Variants in AK5 observed in about 807,000 individuals in gnomAD.
AK5 encodes adenylate kinase isoenzyme 5.
A neutral mutation model predicts 69.5 loss-of-function variants in AK5; 27 were observed. That is an observed-to-expected ratio of 0.39 (90% CI 0.29 to 0.54). AK5 has a LOEUF of 0.54. AK5 is among the 20% of genes least tolerant of loss of function. AK5 has a pLI of 0.71. For synonymous variants in AK5, 260 were observed against 244.4 expected (o/e 1.06, Z -0.60); for missense variants, 531 against 700.4 (o/e 0.76, Z 2.73).
chr1:77,298,653 C>CCACA (rs150529091), intron 5 of AK5, among the ~76,000 whole-genome samples: 1 of 146,168 alleles, frequency 6.8e-6, no homozygotes, highest in Non-Finnish European at 1.5e-5. Context: ...AAAAAAAAAA[C>CCACA]CACACACACA....
intron 6 of AK5, among the ~76,000 whole-genome samples, chr1:77,399,602 A>G (rs1208546015): frequency 6.6e-6 from 1 of 152,190 alleles, no homozygotes; most frequent in African/African-American, 2.4e-5. Context: ...ACTCTGGGAC[A>G]GAACCAGAGC....
intron 8 of AK5, among the ~76,000 whole-genome samples, chr1:77,482,807 T>C (rs1052344481): frequency 1.3e-5 from 2 of 150,650 alleles, no homozygotes; most frequent in Non-Finnish European, 3.0e-5. Context: ...ACAGGGGACA[T>C]GTTGCTCACA....
At chr1:77,394,079 G>A (rs1383115485) in intron 6 of AK5, among the ~76,000 whole-genome samples, 1 of 151,988 alleles carries the variant, frequency 6.6e-6, no homozygotes, top group African/African-American at 2.4e-5. Flanking sequence ...ACTGGCTGTG[G>A]TGACGTGTAC....
chr1:77,506,499 C>T (rs1227036055), intron 10 of AK5, among the ~76,000 whole-genome samples: 2 of 152,042 alleles, frequency 1.3e-5, no homozygotes, highest in African/African-American at 4.8e-5. Flanking sequence ...GGAAAGGTAT[C>T]TGCCCTTTCC....
At chr1:77,537,400 C>G (rs7551211) in intron 13 of AK5, among the ~76,000 whole-genome samples, 103,949 of 151,886 alleles carry the variant, frequency 0.68, 36,210 homozygotes, top group Admixed American at 0.76. Context: ...TAATTGTCCT[C>G]TGAGTGATGG....
intron 10 of AK5, among the ~76,000 whole-genome samples, chr1:77,489,334 T>C (rs1372040430): frequency 1.3e-5 from 2 of 152,194 alleles, no homozygotes; most frequent in Non-Finnish European, 2.9e-5. Flanking sequence ...GTAAAAGAGA[T>C]TTCAGCTTGC....
intron 6 of AK5, chr1:77,346,114 T>C (rs1661903120): frequency 6.6e-6 from 1 of 152,210 alleles, no homozygotes; most frequent in Non-Finnish European, 1.5e-5. Flanking sequence ...TTCTTCATTC[T>C]TGTTATCTTC....
chr1:77,330,491 A>G (rs947503016), intron 5 of AK5, among the ~76,000 whole-genome samples: 2 of 152,162 alleles, frequency 1.3e-5, no homozygotes, highest in Non-Finnish European at 2.9e-5. Context: ...CATTTGTTGA[A>G]AAGACTGTCC....
At chr1:77,306,881 C>A (rs1379004734) in intron 5 of AK5, among the ~76,000 whole-genome samples, 4 of 152,116 alleles carry the variant, frequency 2.6e-5, no homozygotes, top group Non-Finnish European at 4.4e-5. Flanking sequence ...TGGCGTATAG[C>A]TGCTCATATC....
intron 8 of AK5, among the ~76,000 whole-genome samples, chr1:77,424,287 C>T (rs2100596786): frequency 6.6e-6 from 1 of 152,308 alleles, no homozygotes; most frequent in East Asian, 1.9e-4. Flanking sequence ...TAGAGACAGA[C>T]TTTTGCTGTG....
chr1:77,326,899 T>G (rs911436798), intron 5 of AK5, among the ~76,000 whole-genome samples: 22 of 152,218 alleles, frequency 1.4e-4, no homozygotes, highest in African/African-American at 5.3e-4. Flanking sequence ...AATAGGAATT[T>G]GGACCACATG....
At chr1:77,347,613 A>G (rs907182116) in intron 6 of AK5, among the ~76,000 whole-genome samples, 4 of 152,232 alleles carry the variant, frequency 2.6e-5, no homozygotes, top group African/African-American at 9.6e-5. Flanking sequence ...AACCTAAAAT[A>G]CCGTGATCAC....
At chr1:77,511,617 G>T (rs1657351254) in intron 10 of AK5, among the ~76,000 whole-genome samples, 1 of 152,190 alleles carries the variant, frequency 6.6e-6, no homozygotes. Context: ...AAGGATATTT[G>T]CCAAGAAGCA....
At chr1:77,544,856 T>C (rs1355190020) in intron 13 of AK5, among the ~76,000 whole-genome samples, 2 of 152,100 alleles carry the variant, frequency 1.3e-5, no homozygotes, top group East Asian at 3.9e-4. Flanking sequence ...AGAAACATAG[T>C]CATTTATTGT....
At chr1:77,359,313 G>GA (rs1168007065) in intron 6 of AK5, among the ~76,000 whole-genome samples, 1 of 151,362 alleles carries the variant, frequency 6.6e-6, no homozygotes, top group East Asian at 1.9e-4. Flanking sequence ...TTATGTTATA[G>GA]AAAAAATTAA....
chr1:77,540,516 A>G (rs1279825721), intron 13 of AK5: 2 of 152,234 alleles, frequency 1.3e-5, no homozygotes, highest in African/African-American at 4.8e-5. Context: ...GAATTAGCCT[A>G]CAAGAAGAAG....
intron 5 of AK5, among the ~76,000 whole-genome samples, chr1:77,317,441 A>T (rs973307955): frequency 1.3e-5 from 2 of 152,172 alleles, no homozygotes; most frequent in Admixed American, 6.5e-5. Flanking sequence ...TTTAAATAGG[A>T]AGAGTGTAAA....
intron 5 of AK5, among the ~76,000 whole-genome samples, chr1:77,324,318 CGTGTGT>C (rs10547281): frequency 0.11 from 15,662 of 148,684 alleles, 1,020 homozygotes; most frequent in East Asian, 0.2. Flanking sequence ...TCACCATTTG[CGTGTGT>C]GTGTGTGTGT....
chr1:77,301,179 A>C (rs1659323226), intron 5 of AK5, among the ~76,000 whole-genome samples: 1 of 152,186 alleles, frequency 6.6e-6, no homozygotes, highest in African/African-American at 2.4e-5. Context: ...TTGACTGGGC[A>C]GCTTTTTTCC....
Sources: allele counts gnomAD v4.1 joint callset (sites outside exome capture counted in the v4.1 genomes callset), GRCh38; gene constraint gnomAD v4.1.1; transcripts MANE v1.5; gene names NCBI Gene and HGNC (gene_info 2026-07-23, HGNC 2026-07-21).